Variants in TICAM1 observed in about 807,000 individuals in gnomAD.
TICAM1 encodes TIR domain containing adaptor molecule 1, also known as TIR domain-containing adapter molecule 1.
For missense variants in TICAM1, 895 were observed against 938.2 expected (o/e 0.95, Z 0.60); for synonymous variants, 439 against 415.4 (o/e 1.06, Z -0.69).
At chr19:4,828,512 C>A (rs2093609110) in intron 1 of TICAM1, among the ~76,000 whole-genome samples, 2 of 151,140 alleles carry the variant, frequency 1.3e-5, no homozygotes, top group Admixed American at 1.3e-4. Flanking sequence ...TGCACCCAGC[C>A]TACATGTCAG....
In TICAM1 at chr19:4,816,844, G is replaced by C. The variant is rs765491561; in HGVS notation, c.1534C>G (p.Arg512Gly). Residue 512 changes from arginine to glycine, a missense_variant, in exon 2 of 2, where the codon CGG becomes GGG. Transcript: ENST00000248244. This position sits in a 1 kb window ranked among gnomAD's most constrained non-coding sequence, Gnocchi z 4.3. Reference sequence around the variant, plus strand: ...AAGATCTGGGAGTGTTCGTCCAGCCGCACCAGCCCGGAGAGCAGGCTGGCC... The same window carrying C: ...AAGATCTGGGAGTGTTCGTCCAGCCCCACCAGCCCGGAGAGCAGGCTGGCC... ...DTASLLSGLVRLDEHSQIFAR... is the reference protein window; with the variant it reads ...DTASLLSGLVGLDEHSQIFAR... 1 of 1,612,408 alleles carries C rather than the reference G, an allele frequency of 6.2e-7. No homozygotes were observed. The highest frequency in any genetic ancestry group is 2.2e-5 in the East Asian group (1 of 44,866).
In TICAM1 at chr19:4,817,627, C is replaced by T; in HGVS notation, c.751G>A (p.Glu251Lys). The T allele has an allele frequency of 4.4e-6, 7 of 1,589,580 alleles. No homozygotes were observed. The highest frequency in any genetic ancestry group is 6.0e-6 in the Non-Finnish European group (7 of 1,167,812). The change falls in exon 2 of 2, where the codon GAG becomes AAG. Residue 251 changes from glutamate to lysine, a missense_variant. By Grantham distance (56) the Glu-to-Lys change is moderately conservative. Transcript: ENST00000248244. The surrounding 1 kb of genome is among the most constrained non-coding windows in gnomAD (Gnocchi z 4.7). The stretch of plus-strand genomic sequence containing the variant: ...CCCGATGGCGGCCAGCTCATCTCCT[C>T]AGGCTCCTGGCAGCCACCGGGGACA... ...EPVPGGCQEP[E>K]EMSWPPSGEI... is the part of the protein sequence containing the mutation.
rs1306575408 is a variant in TICAM1 at position 4,816,949 on chromosome 19, G to C, written c.1429C>G (p.Leu477Val). 6.2e-7 allele frequency: 1 copy of C among 1,613,960 alleles called. No individual in the cohort carries two copies. Among genetic ancestry groups the C allele is most frequent in the Non-Finnish European group, 8.5e-7 (1 of 1,180,048 alleles). The change falls in exon 2 of 2, where the codon CTC (leucine) becomes GTC (valine). Residue 477 changes from leucine to valine, a missense_variant. Transcript: ENST00000248244. This position sits in a 1 kb window ranked among gnomAD's most constrained non-coding sequence, Gnocchi z 4.3. ...CAGTCTGGCGACCCCTGTCGCGTGA[G>C]GTTGCTCATCATGGCTTGGTTCACC... ...HQVNQAMMSNLTRQGSPDCVI... is the reference protein window; with the variant it reads ...HQVNQAMMSNVTRQGSPDCVI...
At chr19:4,829,132 G>T (rs192037552) in intron 1 of TICAM1, among the ~76,000 whole-genome samples, 2 of 152,298 alleles carry the variant, frequency 1.3e-5, no homozygotes, top group Admixed American at 1.3e-4. Flanking sequence ...ACTGCGCCCG[G>T]CCTGTATAGG....
chr19:4,828,723 A>G (rs1392407253), intron 1 of TICAM1, among the ~76,000 whole-genome samples: 1 of 127,110 alleles, frequency 7.9e-6, no homozygotes, highest in South Asian at 2.5e-4. Context: ...TTTTTTTCTG[A>G]GACCGAATCT....
At chr19:4,821,544 A>G (rs941494289) in intron 1 of TICAM1, among the ~76,000 whole-genome samples, 1 of 151,256 alleles carries the variant, frequency 6.6e-6, no homozygotes, top group Non-Finnish European at 1.5e-5. Context: ...AGATATCCCT[A>G]TGGCTCACTC....
chr19:4,827,372 C>CAAAAAAAAAAAAAAAAAAAAAAAAAAA (rs57574607), intron 1 of TICAM1, among the ~76,000 whole-genome samples: 1 of 54,148 alleles, frequency 1.8e-5, no homozygotes, highest in Non-Finnish European at 3.3e-5. Flanking sequence ...ACTCTGTCTC[C>CAAAAAAAAAAAAAAAAAAAAAAAAAAA]AAAAAAAAAA....
At position 4,817,727 on chromosome 19, in the gene TICAM1, G is replaced by T; in HGVS notation, c.651C>A (p.Phe217Leu). ...LEISQSPTMP[F>L]LSLHRSPHGP... ...CATGTGGGCTGCGGTGCAGGCTGAG[G>T]AAGGGCATGGTAGGGGACTGGCTGA... is the stretch of plus-strand genomic sequence containing the variant. The change falls in exon 2 of 2, where the codon TTC becomes TTA. Residue 217 changes from phenylalanine (F) to leucine (L), a missense_variant. By Grantham distance (22) the Phe-to-Leu change is conservative. Transcript: ENST00000248244. The surrounding 1 kb of genome is among the most constrained non-coding windows in gnomAD (Gnocchi z 4.7). 6.2e-7 allele frequency: 1 copy of T among 1,601,448 alleles called. No individual in the cohort carries two copies. Among genetic ancestry groups the T allele is most frequent in the Non-Finnish European group, 8.5e-7 (1 of 1,176,446 alleles).
Position 4,816,349 on chromosome 19 carries a change from G to A in TICAM1, c.2029C>T (p.Gln677Ter). 6.3e-7 allele frequency: 1 copy of A among 1,585,736 alleles called. No individual in the cohort carries two copies. The stretch of plus-strand genomic sequence containing the variant: ...TGTGCGTGGTGGATAATGAGGGGTT[G>A]CAGCCCTGGGCTCTGAGGGGGTGCG... ...SPAPPQSPGL[Q>*]PLIIHHAQMV... Residue 677 changes from glutamine to a stop codon, truncating the protein, a stop_gained, in exon 2 of 2, where the codon CAA (glutamine) becomes TAA (stop). Transcript: ENST00000248244. LOFTEE classifies it low-confidence loss of function (END_TRUNC). The surrounding 1 kb of genome is among the most constrained non-coding windows in gnomAD (Gnocchi z 4.3).
rs1199346881 is a variant in TICAM1 at position 4,818,005 on chromosome 19, G to A, written c.373C>T (p.Leu125Phe). 7 of 1,612,050 alleles carry A rather than the reference G, an allele frequency of 4.3e-6. No individual in the cohort carries two copies. Among genetic ancestry groups the A allele is most frequent in the South Asian group, 2.2e-5 (2 of 91,048 alleles). The change falls in exon 2 of 2, where the codon CTC (leucine) becomes TTC (phenylalanine). Residue 125 changes from leucine (L) to phenylalanine (F), a missense_variant. By Grantham distance (22) the Leu-to-Phe change is conservative. Coordinates refer to ENST00000248244, the MANE Select transcript of TICAM1 (RefSeq NM_182919.4). The surrounding 1 kb of genome is among the most constrained non-coding windows in gnomAD (Gnocchi z 4.0). The stretch of plus-strand genomic sequence containing the variant: ...AGCCGGTGGTCGTCCCTGGAGCTGA[G>A]GGTGCGGACGGCTTCCTGGTAGGCC... ...DVAYQEAVRT[L>F]SSRDDHRLGE...
rs1207788052 is a variant in TICAM1, at chr19:4,816,806, C to A, written c.1572G>T (p.Val524=). Residue 524 remains valine, a synonymous_variant, in exon 2 of 2, where the codon GTG becomes GTT. Coordinates refer to ENST00000248244, the MANE Select transcript of TICAM1 (RefSeq NM_182919.4). This position sits in a 1 kb window ranked among gnomAD's most constrained non-coding sequence, Gnocchi z 4.3. ...GCCTGTGGGGCTTGAAGGTGTTGGC[C>A]ACCTTCCTGGCGAAGATCTGGGAGT... The part of the protein sequence containing the change: ...DEHSQIFARK[V]ANTFKPHRLQ... 2 of 1,613,144 alleles carry A rather than the reference C, an allele frequency of 1.2e-6. No individual in the cohort carries two copies. The highest frequency in any genetic ancestry group is 4.5e-5 in the East Asian group (2 of 44,864).
Position 4,818,627 on chromosome 19 carries a change from G to T in TICAM1, c.-139-111C>A. ...CCGCCTGCCACCCAGACCTAGCCAGGTGACCTTCGGCAACACGTCGCCTCC... is the reference window on the plus strand; with the variant it reads ...CCGCCTGCCACCCAGACCTAGCCAGTTGACCTTCGGCAACACGTCGCCTCC... On this transcript the variant is annotated intron_variant, in intron 1 of 1. Coordinates refer to ENST00000248244, the MANE Select transcript of TICAM1 (RefSeq NM_182919.4). This position sits in a 1 kb window ranked among gnomAD's most constrained non-coding sequence, Gnocchi z 4.0. 1 of 607,712 alleles carries T rather than the reference G, an allele frequency of 1.6e-6. No individual in the cohort carries two copies. Among genetic ancestry groups the T allele is most frequent in the Non-Finnish European group, 2.5e-6 (1 of 392,384 alleles). 37.6% of individuals were successfully genotyped at this position (607,712 alleles called of 1,614,324 possible).
At chr19:4,822,975 T>C (rs1048120668) in intron 1 of TICAM1, among the ~76,000 whole-genome samples, 1 of 152,184 alleles carries the variant, frequency 6.6e-6, no homozygotes, top group Non-Finnish European at 1.5e-5. Flanking sequence ...GGCCTTTTTT[T>C]GGTTTGTATT....
chr19:4,816,486 G>A lies in TICAM1; in HGVS notation c.1892C>T (p.Pro631Leu), dbSNP rs2093585363. ...FPTWPGCPQP[P>L]PLHAWQAGTP... Reference sequence around the variant, plus strand: ...GCCAGCCTGCCATGCGTGCAGGGGTGGCGGCTGCGGGCACCCCGGCCAAGT... The same window carrying A: ...GCCAGCCTGCCATGCGTGCAGGGGTAGCGGCTGCGGGCACCCCGGCCAAGT... Residue 631 changes from proline to leucine, a missense_variant, in exon 2 of 2, where the codon CCA becomes CTA. Coordinates refer to ENST00000248244, the MANE Select transcript of TICAM1 (RefSeq NM_182919.4). The surrounding 1 kb of genome is among the most constrained non-coding windows in gnomAD (Gnocchi z 4.3). 1.9e-6 allele frequency: 3 copies of A among 1,570,508 alleles called. No homozygotes were observed. The highest frequency in any genetic ancestry group is 1.3e-5 in the African/African-American group (1 of 74,124).
intron 1 of TICAM1, among the ~76,000 whole-genome samples, chr19:4,825,122 T>C (rs2093603584): frequency 6.6e-6 from 1 of 150,582 alleles, no homozygotes; most frequent in Non-Finnish European, 1.5e-5. Context: ...TCTACTAAAA[T>C]ACAAAAAATT....
intron 1 of TICAM1, among the ~76,000 whole-genome samples, chr19:4,826,885 G>C (rs1274776965): frequency 6.6e-6 from 1 of 152,060 alleles, no homozygotes; most frequent in African/African-American, 2.4e-5. Context: ...ACCTGGTTAT[G>C]GGGCCTGAGA....
intron 1 of TICAM1, among the ~76,000 whole-genome samples, chr19:4,830,528 C>G (rs867089095): frequency 6.6e-6 from 1 of 152,160 alleles, no homozygotes; most frequent in East Asian, 1.9e-4. Flanking sequence ...TCTCATGCAG[C>G]CTTTCATGCA....
chr19:4,819,353 A>G (rs2093593431), intron 1 of TICAM1, among the ~76,000 whole-genome samples: 1 of 151,962 alleles, frequency 6.6e-6, no homozygotes, highest in African/African-American at 2.4e-5. Flanking sequence ...TATTTTCCCC[A>G]TTTACAGATG....
At chr19:4,828,465 G>T (rs773735939) in intron 1 of TICAM1, among the ~76,000 whole-genome samples, 15 of 151,606 alleles carry the variant, frequency 9.9e-5, no homozygotes, top group Non-Finnish European at 1.9e-4. Context: ...CTCCCACCTT[G>T]GCCTCCCAAA....
Sources: gnomAD v4.1 joint callset for allele counts (sites outside exome capture counted in the v4.1 genomes callset) on GRCh38, gnomAD v4.1.1 for gene constraint, Gnocchi (gnomAD v3.1) non-coding constraint, MANE v1.5 for transcripts, NCBI Gene and HGNC (gene_info 2026-07-23, HGNC 2026-07-21) for gene names.